GRB2: variants seen among roughly 807,000 people sequenced by gnomAD.
GRB2 encodes the protein growth factor receptor bound protein 2, also known as growth factor receptor-bound protein 2.
A neutral mutation model predicts 27.4 loss-of-function variants in GRB2; 2 were observed. The observed-to-expected ratio is 0.07, with a 90% CI of 0.03 to 0.23. The LOEUF (loss-of-function observed/expected upper bound fraction) is 0.23. GRB2 is among the 10% of genes least tolerant of loss of function. GRB2 has a pLI of 1.00. For synonymous variants in GRB2, 94 were observed against 99.6 expected, an observed-to-expected ratio of 0.94 and a Z score of 0.33; for missense variants, 102 against 282.4, an observed-to-expected ratio of 0.36 and a Z score of 4.58.
intron 2 of GRB2, among the ~76,000 whole-genome samples, chr17:75,343,065 GTA>G (rs2078632017): frequency 4.8e-5 from 1 of 20,992 alleles, no homozygotes; most frequent in African/African-American, 1.2e-4. Flanking sequence ...AAAAAAAAAG[GTA>G]TAAGATTGGG....
chr17:75,374,589 T>C (rs1346066646), intron 2 of GRB2, among the ~76,000 whole-genome samples: 1 of 151,514 alleles, frequency 6.6e-6, no homozygotes, highest in African/African-American at 2.4e-5. Flanking sequence ...CCGAGTGTGG[T>C]GGCACATGCC....
At chr17:75,381,752 T>G (rs1250567159) in intron 2 of GRB2, among the ~76,000 whole-genome samples, 2 of 133,328 alleles carry the variant, frequency 1.5e-5, no homozygotes, top group Non-Finnish European at 3.3e-5. Flanking sequence ...AAAAAGAAAA[T>G]AAAGATATAT....
chr17:75,372,461 C>T (rs1339149988), intron 2 of GRB2: 1 of 152,254 alleles, frequency 6.6e-6, no homozygotes, highest in Admixed American at 6.5e-5. Flanking sequence ...CCAAGGGCTT[C>T]ACCTCCAAAG....
chr17:75,365,562 G>A (rs966213772), intron 2 of GRB2, among the ~76,000 whole-genome samples: 3 of 152,146 alleles, frequency 2.0e-5, no homozygotes, highest in Non-Finnish European at 2.9e-5. Flanking sequence ...TACAACTGTG[G>A]TAGTAATGGA....
At chr17:75,355,825 T>C (rs2078728934) in intron 2 of GRB2, among the ~76,000 whole-genome samples, 1 of 149,968 alleles carries the variant, frequency 6.7e-6, no homozygotes, top group Non-Finnish European at 1.5e-5. Context: ...TCTTTTTTTT[T>C]TTTTTTTTTT....
At chr17:75,391,013 T>C (rs968467612) in intron 2 of GRB2, among the ~76,000 whole-genome samples, 2 of 152,232 alleles carry the variant, frequency 1.3e-5, no homozygotes, top group African/African-American at 4.8e-5. Flanking sequence ...GTTTACTTCT[T>C]GAAGAATCAA....
rs753627914 is a variant in GRB2 at position 75,403,005 on chromosome 17, G to C, written c.-138+2484C>G. Among the ~76,000 whole-genome samples the C allele has an allele frequency of 6.9e-5, 10 of 144,760 alleles. No individual in the cohort carries two copies. In the Admixed American group the frequency reaches 7.0e-4, roughly 10 times the overall value. 95.0% of individuals were successfully genotyped at this position (144,760 alleles called of 152,430 possible). A position where few individuals can be genotyped will look rare whatever the true frequency, so the allele number is the denominator to read the frequency against. On this transcript the variant is annotated intron_variant, in intron 1 of 5. Coordinates refer to ENST00000316804, the MANE Select transcript of GRB2 (RefSeq NM_002086.5). ...CAGAAGAATTGCCCGAACCCAGGAG[G>C]TGGAAGTTGTGGTGACCTGAGATCG... is the stretch of plus-strand genomic sequence containing the variant.
chr17:75,326,020 C>A lies in GRB2; in HGVS notation c.177G>T (p.Pro59=), dbSNP rs1352106594. Residue 59 remains proline (P), a splice_region_variant and synonymous_variant, in exon 4 of 6, where the codon CCG becomes CCT. Coordinates refer to ENST00000316804, the MANE Select transcript of GRB2 (RefSeq NM_002086.5). ...PKNYIEMKPH[P]WFFGKIPRAK... ...CTCTGGGGATTTTGCCAAAAAACCA[C>A]CTAAGGAAGGAAGGCAAGCTGGTCA... 1 of 1,614,088 alleles carries A rather than the reference C, an allele frequency of 6.2e-7. No homozygotes were observed. The highest frequency in any genetic ancestry group is 1.1e-5 in the South Asian group (1 of 91,076).
chr17:75,387,232 T>C (rs142446577), intron 2 of GRB2, among the ~76,000 whole-genome samples: 2 of 150,624 alleles, frequency 1.3e-5, no homozygotes, highest in Admixed American at 6.6e-5. Context: ...CCAAGGTGGG[T>C]AGATATTTTG....
chr17:75,384,160 C>A (rs1230644297), intron 2 of GRB2, among the ~76,000 whole-genome samples: 2 of 152,112 alleles, frequency 1.3e-5, no homozygotes, highest in African/African-American at 2.4e-5. Context: ...CTCAAAAAGT[C>A]ATTTTGGGTC....
chr17:75,348,645 T>C (rs1337404089), intron 2 of GRB2, among the ~76,000 whole-genome samples: 1 of 152,166 alleles, frequency 6.6e-6, no homozygotes. Context: ...GATTTTGAGC[T>C]GGACACAGAA....
At chr17:75,383,657 T>C (rs1202743457) in intron 2 of GRB2, among the ~76,000 whole-genome samples, 2 of 151,848 alleles carry the variant, frequency 1.3e-5, no homozygotes, top group East Asian at 1.9e-4. Context: ...GCCCGGCCAA[T>C]ATGGTGAAAG....
chr17:75,346,972 G>C (rs1355052152), intron 2 of GRB2, among the ~76,000 whole-genome samples: 1 of 152,036 alleles, frequency 6.6e-6, no homozygotes, highest in Non-Finnish European at 1.5e-5. Flanking sequence ...ACGAAGGGAG[G>C]GTCAGGTCAG....
At chr17:75,322,372 CAAAAAAA>C (rs544297344) in intron 4 of GRB2, among the ~76,000 whole-genome samples, 1 of 84,614 alleles carries the variant, frequency 1.2e-5, no homozygotes, top group South Asian at 4.2e-4. Flanking sequence ...AACTCTGTCT[CAAAAAAA>C]AAAAAAAAAA....
intron 2 of GRB2, among the ~76,000 whole-genome samples, chr17:75,361,730 T>C (rs2078783154): frequency 6.6e-6 from 1 of 152,100 alleles, no homozygotes; most frequent in Non-Finnish European, 1.5e-5. Context: ...ATTTACTAAG[T>C]TTTAATATCC....
intron 3 of GRB2, among the ~76,000 whole-genome samples, chr17:75,329,705 C>T (rs1793122982): frequency 6.6e-6 from 1 of 152,070 alleles, no homozygotes; most frequent in Non-Finnish European, 1.5e-5. Flanking sequence ...CCAGCCCGGG[C>T]AACACAGTGA....
chr17:75,367,881 G>A (rs1046477733), intron 2 of GRB2, among the ~76,000 whole-genome samples: 8 of 151,050 alleles, frequency 5.3e-5, no homozygotes, highest in African/African-American at 1.2e-4. Context: ...GATTTTTTTC[G>A]TTGTTTTGGT....
chr17:75,340,982 G>C (rs190807337), intron 2 of GRB2, among the ~76,000 whole-genome samples: 3 of 152,126 alleles, frequency 2.0e-5, no homozygotes, highest in Non-Finnish European at 4.4e-5. Flanking sequence ...CACATATGCC[G>C]AGCAGATCAG....
At chr17:75,380,148 T>G (rs1420475305) in intron 2 of GRB2, among the ~76,000 whole-genome samples, 31 of 152,188 alleles carry the variant, frequency 2.0e-4, no homozygotes, top group Non-Finnish European at 4.4e-5. Flanking sequence ...TGGAAGATGA[T>G]GTACTGCCTA....
Sources: gnomAD v4.1 joint callset for allele counts (sites outside exome capture counted in the v4.1 genomes callset) on GRCh38, gnomAD v4.1.1 for gene constraint, MANE v1.5 for transcripts, NCBI Gene and HGNC (gene_info 2026-07-23, HGNC 2026-07-21) for gene names.